EPS15: variants seen among roughly 807,000 people sequenced by gnomAD.
EPS15 encodes epidermal growth factor receptor substrate 15.
In EPS15, 72 loss-of-function variants were observed where a neutral mutation model predicts 113.8. The observed-to-expected ratio is 0.63, with a 90% CI of 0.52 to 0.77. EPS15 has a LOEUF of 0.77. Among genes scored for constraint, EPS15 ranks in the 30% least tolerant of loss-of-function variants. The pLI, the probability that EPS15 is intolerant of heterozygous loss-of-function variation, is 0.00. For missense variants in EPS15, 1,048 were observed against 1,045.8 expected, an observed-to-expected ratio of 1.00 and a Z score of -0.03; for synonymous variants, 344 against 363.4, an observed-to-expected ratio of 0.95 and a Z score of 0.61.
rs538683476 is a variant in EPS15 at position 51,356,506 on chromosome 1, G to A, written c.*194C>T. 3 of 491,216 alleles carry A rather than the reference G, an allele frequency of 6.1e-6. No homozygotes were observed. The East Asian group carries it at 1.0e-4, about 17-fold the overall frequency. 30.4% of individuals were successfully genotyped at this position (491,216 alleles called of 1,614,324 possible). On this transcript the variant is annotated 3_prime_UTR_variant, in exon 25 of 25. Coordinates refer to ENST00000371733, the MANE Select transcript of EPS15 (RefSeq NM_001981.3). ...GGTGAATTTGTCTGACTGGGTTACG[G>A]CTTTTATAAGAAAAAAAAAAAAAGA...
chr1:51,460,625 C>T (rs1004721283), intron 8 of EPS15, among the ~76,000 whole-genome samples: 1 of 151,716 alleles, frequency 6.6e-6, no homozygotes, highest in African/African-American at 2.4e-5. Context: ...TTCTGTTATC[C>T]ATTTGTTTAG....
Position 51,361,239 on chromosome 1 carries a change from G to A in EPS15, c.2476C>T (p.Pro826Ser). 5 of 1,613,954 alleles carry A rather than the reference G, an allele frequency of 3.1e-6. No individual in the cohort carries two copies. The highest frequency in any genetic ancestry group is 1.3e-5 in the African/African-American group (1 of 75,038). ...KEKDPEIFCD[P>S]FTSATTTTNK... ...GTAGTGGTAGTAGCAGAAGTGAATG[G>A]ATCACAAAATATTTCAGGATCTTTT... The change falls in exon 24 of 25, where the codon CCA becomes TCA. Residue 826 changes from proline to serine, a missense_variant. Pro to Ser is a moderately conservative substitution (Grantham distance 74, BLOSUM62 -1). Coordinates refer to ENST00000371733, the MANE Select transcript of EPS15 (RefSeq NM_001981.3).
chr1:51,467,967 A>AT (rs1218117827), intron 5 of EPS15, among the ~76,000 whole-genome samples: 3 of 151,788 alleles, frequency 2.0e-5, no homozygotes, highest in African/African-American at 7.3e-5. Flanking sequence ...TTATATATAT[A>AT]TATTTTTTTA....
chr1:51,426,624 T>C (rs1016473317), intron 12 of EPS15, among the ~76,000 whole-genome samples: 5 of 151,550 alleles, frequency 3.3e-5, no homozygotes, highest in Admixed American at 6.6e-5. Flanking sequence ...ATAATGTAGG[T>C]AGACCACATC....
intron 4 of EPS15, among the ~76,000 whole-genome samples, chr1:51,470,156 C>T (rs1026408500): frequency 6.6e-6 from 1 of 152,164 alleles, no homozygotes; most frequent in East Asian, 1.9e-4. Context: ...GCATTAAATT[C>T]TATTTCTGCT....
At chr1:51,468,869 T>A (rs1423461066) in intron 4 of EPS15, among the ~76,000 whole-genome samples, 1 of 152,212 alleles carries the variant, frequency 6.6e-6, no homozygotes, top group Non-Finnish European at 1.5e-5. Context: ...GGCTCACACC[T>A]GTAAGCTCAA....
intron 1 of EPS15, among the ~76,000 whole-genome samples, chr1:51,512,132 G>C (rs958039458): frequency 6.6e-6 from 1 of 152,164 alleles, no homozygotes; most frequent in African/African-American, 2.4e-5. Flanking sequence ...GGAAAGCAGA[G>C]TATATGAGGC....
At chr1:51,490,964 G>A (rs1644222241) in intron 1 of EPS15, among the ~76,000 whole-genome samples, 2 of 152,062 alleles carry the variant, frequency 1.3e-5, no homozygotes, top group South Asian at 2.1e-4. Flanking sequence ...TTGGATGAAG[G>A]GTGCATAGAG....
chr1:51,515,719 T>A (rs1196663434), intron 1 of EPS15, among the ~76,000 whole-genome samples: 6 of 152,202 alleles, frequency 3.9e-5, no homozygotes, highest in Admixed American at 3.9e-4. Flanking sequence ...GACAATGGCA[T>A]ATGCCGAAAA....
At position 51,361,525 on chromosome 1, in the gene EPS15, TC is replaced by T. The variant is rs1570075474; in HGVS notation, c.2360-171del. Among the ~76,000 whole-genome samples, 5 of 152,296 alleles carry T rather than the reference TC, an allele frequency of 3.3e-5. No individual in the cohort carries two copies. In the East Asian group the frequency reaches 9.6e-4, roughly 29 times the overall value. On this transcript the variant is annotated intron_variant, in intron 23 of 24. Transcript: ENST00000371733. The stretch of plus-strand genomic sequence containing the variant: ...CTACACCAACAATTTGTCCTCAAAT[TC>T]TTCACACATGATCTCTCAAATAGAT...
chr1:51,488,488 A>AC (rs1222459387), intron 1 of EPS15, among the ~76,000 whole-genome samples: 1 of 151,162 alleles, frequency 6.6e-6, no homozygotes, highest in African/African-American at 2.4e-5. Flanking sequence ...AAAAAAAAAA[A>AC]AAAAAAAACT....
Position 51,518,948 on chromosome 1 carries a change from G to C in EPS15, c.33+251C>G, listed in dbSNP as rs1016163581. Reference sequence around the variant, plus strand: ...ACTCGGCAGCGGCGCGGAGGGCGGCGAGGGCCGCGCGGGGCGGGGCAGGAG... The same window carrying C: ...ACTCGGCAGCGGCGCGGAGGGCGGCCAGGGCCGCGCGGGGCGGGGCAGGAG... On this transcript the variant is annotated intron_variant, in intron 1 of 24. Transcript: ENST00000371733. Among the ~76,000 whole-genome samples, 148 of 151,402 alleles carry C rather than the reference G, an allele frequency of 9.8e-4. 1 individual carries two copies. The highest frequency in any genetic ancestry group is 3.5e-3 in the African/African-American group (147 of 41,438).
At chr1:51,407,595 G>A (rs1208508193) in intron 15 of EPS15, among the ~76,000 whole-genome samples, 3 of 152,144 alleles carry the variant, frequency 2.0e-5, no homozygotes, top group Non-Finnish European at 4.4e-5. Flanking sequence ...CTATAACACT[G>A]CAAATTTATC....
intron 21 of EPS15, among the ~76,000 whole-genome samples, chr1:51,376,925 C>T (rs1646813943): frequency 6.6e-6 from 1 of 152,150 alleles, no homozygotes; most frequent in Non-Finnish European, 1.5e-5. Context: ...GCAAAGTACA[C>T]TGAAAACCTC....
At chr1:51,388,012 T>C (rs1647137585) in intron 21 of EPS15, among the ~76,000 whole-genome samples, 1 of 152,144 alleles carries the variant, frequency 6.6e-6, no homozygotes, top group Non-Finnish European at 1.5e-5. Context: ...ATCAACAGAA[T>C]ATACATTATT....
intron 21 of EPS15, among the ~76,000 whole-genome samples, chr1:51,367,460 G>A (rs1646532601): frequency 6.6e-6 from 1 of 152,198 alleles, no homozygotes; most frequent in Non-Finnish European, 1.5e-5. Flanking sequence ...AGCTGAGGCA[G>A]GAGAATCGCT....
At chr1:51,415,796 CAAAAAAAAAAAAAAAAAA>C (rs55806131) in intron 13 of EPS15, among the ~76,000 whole-genome samples, 104 of 21,980 alleles carry the variant, frequency 4.7e-3, no homozygotes, top group South Asian at 0.019. Flanking sequence ...AACTCCGTCT[CAAAAAAAAAAAAAAAAAA>C]AAAAAAAAAA....
At chr1:51,386,445 G>A (rs921662323) in intron 21 of EPS15, among the ~76,000 whole-genome samples, 6 of 152,086 alleles carry the variant, frequency 3.9e-5, no homozygotes, top group East Asian at 1.9e-4. Context: ...ATTTGTCAGC[G>A]GTCAGCAGCA....
At chr1:51,374,917 C>T (rs1046704145) in intron 21 of EPS15, among the ~76,000 whole-genome samples, 2 of 151,322 alleles carry the variant, frequency 1.3e-5, no homozygotes, top group Admixed American at 6.6e-5. Context: ...TCTCAAACTC[C>T]TGTCTGCCTC....
Sources: gnomAD v4.1 joint callset for allele counts (sites outside exome capture counted in the v4.1 genomes callset) on GRCh38, gnomAD v4.1.1 for gene constraint, MANE v1.5 for transcripts, NCBI Gene and HGNC (gene_info 2026-07-23, HGNC 2026-07-21) for gene names.